The following ANXA10 variants were observed in gnomAD, a reference collection of about 807,000 sequenced individuals.
ANXA10 encodes the protein annexin 14.
A neutral mutation model predicts 53.5 loss-of-function variants in ANXA10; 49 were observed. The observed-to-expected ratio is 0.92, with a 90% CI of 0.73 to 1.16. ANXA10 has a LOEUF of 1.16. ANXA10 is among the 50% of genes most tolerant of loss of function. The pLI is 0.00. For synonymous variants in ANXA10, 131 were observed against 128.9 expected (o/e 1.02, Z -0.11); for missense variants, 393 against 394.4 (o/e 1.00, Z 0.03).
intron 1 of ANXA10, among the ~76,000 whole-genome samples, chr4:168,107,092 A>G (rs1730731430): frequency 6.6e-6 from 1 of 152,170 alleles, no homozygotes; most frequent in Admixed American, 6.6e-5. Context: ...AGACCAACGT[A>G]TCCTGTAAAA....
At chr4:168,134,514 T>C (rs528809305) in intron 2 of ANXA10, among the ~76,000 whole-genome samples, 38 of 152,320 alleles carry the variant, frequency 2.5e-4, no homozygotes, top group African/African-American at 9.1e-4. Context: ...ATAAATGTGA[T>C]AATAGTAAGA....
At chr4:168,151,952 A>G (rs1381052862) in intron 3 of ANXA10, among the ~76,000 whole-genome samples, 1 of 152,206 alleles carries the variant, frequency 6.6e-6, no homozygotes, top group Non-Finnish European at 1.5e-5. Context: ...TTGTTGAACT[A>G]CAAGTAGTCC....
chr4:168,123,112 A>G (rs1030454854), intron 1 of ANXA10, among the ~76,000 whole-genome samples: 2 of 152,136 alleles, frequency 1.3e-5, no homozygotes, highest in Non-Finnish European at 2.9e-5. Context: ...GTGGGGGTCT[A>G]CACATAAGAT....
At chr4:168,124,483 T>C (rs1031189701) in intron 1 of ANXA10, among the ~76,000 whole-genome samples, 1 of 152,154 alleles carries the variant, frequency 6.6e-6, no homozygotes, top group Non-Finnish European at 1.5e-5. Context: ...TCTGTTAAAA[T>C]ATTTGAGTTG....
intron 3 of ANXA10, among the ~76,000 whole-genome samples, chr4:168,149,750 C>G (rs1384739427): frequency 6.6e-6 from 1 of 152,140 alleles, no homozygotes; most frequent in Non-Finnish European, 1.5e-5. Context: ...AACTTCAAGC[C>G]TCAGGAAAGC....
At chr4:168,129,886 A>T (rs1731131255) in intron 2 of ANXA10, among the ~76,000 whole-genome samples, 1 of 152,150 alleles carries the variant, frequency 6.6e-6, no homozygotes, top group Admixed American at 6.6e-5. Context: ...GCATTCTTAT[A>T]ACCATTTTTA....
In ANXA10 at chr4:168,097,470, T is replaced by A. The variant is rs1730570336; in HGVS notation, c.18+4752T>A. On this transcript the variant is annotated intron_variant, in intron 1 of 11. Coordinates refer to ENST00000359299, the MANE Select transcript of ANXA10 (RefSeq NM_007193.5). Reference sequence around the variant, plus strand: ...ACATAATGGTTTTAATTACATTCTATATACAGACTCTTTTCTGAATTTATG... The same window carrying A: ...ACATAATGGTTTTAATTACATTCTAAATACAGACTCTTTTCTGAATTTATG... Among the ~76,000 whole-genome samples, 3 of 152,204 alleles carry A rather than the reference T, an allele frequency of 2.0e-5. No individual in the cohort carries two copies. In the South Asian group the frequency reaches 6.2e-4, roughly 32 times the overall value.
intron 1 of ANXA10, among the ~76,000 whole-genome samples, chr4:168,118,144 C>T (rs923204334): frequency 8.6e-5 from 13 of 151,096 alleles, no homozygotes; most frequent in South Asian, 2.1e-4. Context: ...ATCAAAATGA[C>T]GTAACTAGAG....
Position 168,158,458 on chromosome 4 carries a change from G to C in ANXA10, c.196-4070G>C, listed in dbSNP as rs540025535. ...TAAATTCATCATTTTTTCATATATT[G>C]TTTATTCTTTTATGTATCATGTAAG... On this transcript the variant is annotated intron_variant, in intron 3 of 11. Transcript: ENST00000359299. Among the ~76,000 whole-genome samples, 106 of 152,120 alleles carry C rather than the reference G, an allele frequency of 7.0e-4. 1 individual carries two copies. The Middle Eastern group carries it at 0.014, about 20-fold the overall frequency.
In ANXA10 at chr4:168,164,264, C is replaced by T. The variant is rs201026616; in HGVS notation, c.376C>T (p.Gln126Ter). 8 of 1,612,426 alleles carry T rather than the reference C, an allele frequency of 5.0e-6. No homozygotes were observed. The highest frequency in any genetic ancestry group is 6.8e-6 in the Non-Finnish European group (8 of 1,178,848). ...LASRTNGEIF[Q>*]MREAYCLQYS... The stretch of plus-strand genomic sequence containing the variant: ...TTCAAGAACAAATGGAGAAATTTTC[C>T]AGATGCGAGAAGCCTACTGCTTGCG... Residue 126 changes from glutamine to a stop codon, truncating the protein, a stop_gained, in exon 5 of 12, where the codon CAG becomes TAG. Coordinates refer to ENST00000359299, the MANE Select transcript of ANXA10 (RefSeq NM_007193.5). LOFTEE classifies it high-confidence loss of function.
intron 3 of ANXA10, among the ~76,000 whole-genome samples, chr4:168,150,314 A>C (rs1731475686): frequency 1.3e-5 from 2 of 152,230 alleles, no homozygotes; most frequent in Non-Finnish European, 2.9e-5. Context: ...ATAATTATGT[A>C]AACTGCGAAA....
chr4:168,187,181 A>C (rs6847905), intron 11 of ANXA10, among the ~76,000 whole-genome samples, 185 bp from the exon 12 acceptor site: 7,628 of 152,220 alleles, frequency 0.05, 599 homozygotes, highest in African/African-American at 0.17. Flanking sequence ...CCAGAGCATT[A>C]TTCTTCAACA....
intron 10 of ANXA10, among the ~76,000 whole-genome samples, chr4:168,182,473 G>A (rs1732271196): frequency 6.7e-6 from 1 of 149,456 alleles, no homozygotes; most frequent in South Asian, 2.1e-4. Flanking sequence ...TGGGACTACA[G>A]GTACCCGCCA....
At chr4:168,132,265 A>G (rs1380365302) in intron 2 of ANXA10, among the ~76,000 whole-genome samples, 1 of 152,144 alleles carries the variant, frequency 6.6e-6, no homozygotes, top group Non-Finnish European at 1.5e-5. Context: ...AATATAATAC[A>G]AATACTCAAC....
intron 1 of ANXA10, among the ~76,000 whole-genome samples, chr4:168,124,618 T>C (rs1274140284): frequency 6.6e-6 from 1 of 152,194 alleles, no homozygotes; most frequent in Non-Finnish European, 1.5e-5. Context: ...GCCTATATGA[T>C]ACTCTCACTC....
At chr4:168,156,724 C>T (rs1028916699) in intron 3 of ANXA10, among the ~76,000 whole-genome samples, 1 of 151,640 alleles carries the variant, frequency 6.6e-6, no homozygotes, top group Non-Finnish European at 1.5e-5. Context: ...AGTATGGTCT[C>T]GATCTCCTGA....
At position 168,143,454 on chromosome 4, in the gene ANXA10, G is replaced by A. The variant is rs550746761; in HGVS notation, c.195+3874G>A. Among the ~76,000 whole-genome samples, 10 of 152,264 alleles carry A rather than the reference G, an allele frequency of 6.6e-5. No homozygotes were observed. The East Asian group carries it at 1.9e-3, about 29-fold the overall frequency. ...AGAGTGGCTGAATTTCATCAGCTTT[G>A]CCTTACCTATTGCAGAAACTAATCC... On this transcript the variant is annotated intron_variant, in intron 3 of 11. Coordinates refer to ENST00000359299, the MANE Select transcript of ANXA10 (RefSeq NM_007193.5).
chr4:168,174,335 A>G (rs1432857139), intron 6 of ANXA10, among the ~76,000 whole-genome samples: 1 of 152,180 alleles, frequency 6.6e-6, no homozygotes, highest in East Asian at 1.9e-4. Context: ...AGGCACCACC[A>G]TGTCCCCTTT....
At chr4:168,117,060 C>A (rs767314051) in intron 1 of ANXA10, among the ~76,000 whole-genome samples, 1 of 151,818 alleles carries the variant, frequency 6.6e-6, no homozygotes, top group African/African-American at 2.4e-5. Context: ...TTAGTCTTAG[C>A]CTTGGCTAAT....
Sources: gnomAD v4.1 joint callset for allele counts (sites outside exome capture counted in the v4.1 genomes callset) on GRCh38, gnomAD v4.1.1 for gene constraint, MANE v1.5 for transcripts, NCBI Gene and HGNC (gene_info 2026-07-23, HGNC 2026-07-21) for gene names.